C22orf23: variants seen among roughly 807,000 people sequenced by gnomAD.
The protein encoded by C22orf23 is UPF0193 protein EVG1.
A neutral mutation model predicts 29.7 loss-of-function variants in C22orf23; 30 were observed. The observed-to-expected ratio is 1.01, with a 90% confidence interval of 0.76 to 1.37. The LOEUF (loss-of-function observed/expected upper bound fraction) is 1.37, where lower values mean the gene tolerates loss of function less well. C22orf23 is among the 40% of genes most tolerant of loss of function. The probability of loss-of-function intolerance (pLI) is 0.00; values close to 1 mark genes in which losing one functional copy is unlikely to be tolerated. For missense variants in C22orf23, 237 were observed against 273.1 expected (o/e 0.87, Z 0.93); for synonymous variants, 90 against 96.1 (o/e 0.94, Z 0.37).
At position 37,952,990 on chromosome 22, in the gene C22orf23, C is replaced by T. The variant is rs1024015696; in HGVS notation, c.103+57G>A. ...CCTCCGTCAGTGGAAAAATTGTCTT[C>T]CACGAAACCGGTCCCTGGTGCCAAA... is the stretch of plus-strand genomic sequence containing the variant. On this transcript the variant is annotated intron_variant, in intron 2 of 6. Coordinates refer to ENST00000403305, the MANE Select transcript of C22orf23 (RefSeq NM_032561.5). The T allele has an allele frequency of 1.2e-5, 16 of 1,326,934 alleles. No individual in the cohort carries two copies. In the African/African-American group the frequency reaches 2.3e-4, roughly 19 times the overall value. 82.2% of individuals were successfully genotyped at this position (1,326,934 alleles called of 1,614,324 possible).
chr22:37,944,974 CA>C, intron 5 of C22orf23, 67 bp downstream of exon 5: 1 of 1,498,158 alleles, frequency 6.7e-7, no homozygotes, highest in South Asian at 1.3e-5. Context: ...CTGACTGCTC[CA>C]TCCAATTCTG....
rs568454107 is a variant in C22orf23 at position 37,947,349 on chromosome 22, A to C, written c.281T>G (p.Leu94Arg). 64 of 1,613,536 alleles carry C rather than the reference A, an allele frequency of 4.0e-5. 2 individuals are homozygous for C. The South Asian group carries it at 6.7e-4, about 17-fold the overall frequency. ...GGCTTGACACATGTTGGCAGGCCGG[A>C]GGTGGGGACGGGCTGCGAGGATGGG... ...LPPILAARPH[L>R]RPANMCQANG... The change falls in exon 4 of 7, where the codon CTC becomes CGC. Residue 94 changes from leucine (L) to arginine (R), a missense_variant. By Grantham distance (102) the Leu-to-Arg change is moderately radical. Coordinates refer to ENST00000403305, the MANE Select transcript of C22orf23 (RefSeq NM_032561.5).
intron 5 of C22orf23, 194 bp downstream of exon 5, chr22:37,944,848 C>T (rs534585370): frequency 4.7e-6 from 3 of 635,128 alleles, no homozygotes; most frequent in African/African-American, 3.7e-5. Flanking sequence ...TGCAGTGAGC[C>T]CAGATCACGC....
At chr22:37,953,246 A>C in intron 1 of C22orf23, 88 bp from the exon 2 acceptor site, 1 of 917,598 alleles carries the variant, frequency 1.1e-6, no homozygotes, top group Non-Finnish European at 1.7e-6. Flanking sequence ...GAAGTCTGGA[A>C]GCGGGGATCG....
chr22:37,947,513 T>C, intron 3 of C22orf23, 50 bp from the exon 4 acceptor site: 1 of 1,401,570 alleles, frequency 7.1e-7, no homozygotes, highest in East Asian at 2.5e-5. Flanking sequence ...TTTTTTTTTT[T>C]TTTTTTTTTT....
Position 37,944,469 on chromosome 22 carries a change from G to T in C22orf23, c.530C>A (p.Ala177Asp). The change falls in exon 6 of 7, where the codon GCC becomes GAC. Residue 177 changes from alanine (A) to aspartate (D), a missense_variant. Ala to Asp is a moderately radical substitution (Grantham distance 126). Coordinates refer to ENST00000403305, the MANE Select transcript of C22orf23 (RefSeq NM_032561.5). The stretch of plus-strand genomic sequence containing the variant: ...TCGGTACTGTTTGCCCTGTCCCAGG[G>T]CCTCCATGTCAGCCAGGAATTCTTT... ...ERKEFLADME[A>D]LGQGKQYRGI... 6.2e-7 allele frequency: 1 copy of T among 1,614,156 alleles called. No homozygotes were observed. The highest frequency in any genetic ancestry group is 1.1e-5 in the South Asian group (1 of 91,078).
At chr22:37,946,873 TAA>T (rs11361013) in intron 4 of C22orf23, among the ~76,000 whole-genome samples, 97 of 115,024 alleles carry the variant, frequency 8.4e-4, no homozygotes, top group Middle Eastern at 4.5e-3. Flanking sequence ...GCTCTGTCTT[TAA>T]AAAAAAAAAA....
intron 3 of C22orf23, 131 bp from the exon 4 acceptor site, chr22:37,947,594 T>C: frequency 1.4e-6 from 1 of 705,770 alleles, no homozygotes; most frequent in South Asian, 2.3e-5. Context: ...TACTGCAACC[T>C]CTGCCTCTTA....
chr22:37,949,386 C>T (rs957233815), intron 3 of C22orf23, among the ~76,000 whole-genome samples: 3 of 149,376 alleles, frequency 2.0e-5, no homozygotes, highest in South Asian at 2.1e-4. Context: ...TGGGTACAAG[C>T]GATTCTTGTG....
At chr22:37,948,640 A>C (rs1569156967) in intron 3 of C22orf23, among the ~76,000 whole-genome samples, 1 of 151,874 alleles carries the variant, frequency 6.6e-6, no homozygotes. Context: ...AACAAAATGA[A>C]ACAAAACAAA....
chr22:37,944,668 A>G (rs750897255), intron 5 of C22orf23, 151 bp from the exon 6 acceptor site: 97 of 644,616 alleles, frequency 1.5e-4, no homozygotes, highest in Non-Finnish European at 1.7e-4. Flanking sequence ...TGGGAGGCCA[A>G]GGCAGGTGGA....
rs111777918 is a variant in C22orf23, at chr22:37,953,385, G to A, written c.-10+63C>T. On this transcript the variant is annotated intron_variant, in intron 1 of 6. Transcript: ENST00000403305. Reference sequence around the variant, plus strand: ...GGCAGGGAAGTCTCCTCGGGAGGGAGTGTTAACACAGCCATGGTCACAACA... The same window carrying A: ...GGCAGGGAAGTCTCCTCGGGAGGGAATGTTAACACAGCCATGGTCACAACA... The A allele has an allele frequency of 5.3e-3, 3,058 of 575,574 alleles. 71 individuals are homozygous for A. The highest frequency in any genetic ancestry group is 0.05 in the African/African-American group (2,677 of 53,158). The allele number at this position is 575,574 out of a possible 1,614,324, so 35.7% of individuals were successfully genotyped here. A position where few individuals can be genotyped will look rare whatever the true frequency, so the allele number is the denominator to read the frequency against.
chr22:37,948,202 C>T (rs1219104836), intron 3 of C22orf23, among the ~76,000 whole-genome samples: 1 of 152,148 alleles, frequency 6.6e-6, no homozygotes, highest in African/African-American at 2.4e-5. Flanking sequence ...AATCCCAACA[C>T]TTTGGGAGGC....
chr22:37,949,309 A>T (rs1601851321), intron 3 of C22orf23, among the ~76,000 whole-genome samples: 1 of 146,422 alleles, frequency 6.8e-6, no homozygotes, highest in Non-Finnish European at 1.5e-5. Context: ...TTTGAGACAG[A>T]GTCTCCCTCT....
At position 37,944,222 on chromosome 22, in the gene C22orf23, C is replaced by A; in HGVS notation, c.607G>T (p.Asp203Tyr). 6.2e-7 allele frequency: 1 copy of A among 1,614,236 alleles called. No individual in the cohort carries two copies. Among genetic ancestry groups the A allele is most frequent in the Non-Finnish European group, 8.5e-7 (1 of 1,180,052 alleles). Residue 203 changes from aspartate to tyrosine, a missense_variant, in exon 7 of 7, where the codon GAC (aspartate) becomes TAC (tyrosine). By Grantham distance (160) the Asp-to-Tyr change is radical. Transcript: ENST00000403305. The part of the protein sequence containing the change: ...SQKLREMEDI[D>Y]HRRSEELRKG... Reference sequence around the variant, plus strand: ...CTAAGTTCCTCACTCCTTCTGTGGTCAATGTCTTCCATTTCCCGGAGTTTC... The same window carrying A: ...CTAAGTTCCTCACTCCTTCTGTGGTAAATGTCTTCCATTTCCCGGAGTTTC...
At chr22:37,951,703 T>A (rs1004416643) in intron 2 of C22orf23, 181 bp from the exon 3 acceptor site, 4 of 405,340 alleles carry the variant, frequency 9.9e-6, no homozygotes, top group African/African-American at 2.0e-5. Context: ...ATATATTTTA[T>A]TTTATTGTTA....
At chr22:37,947,931 C>T (rs148686951) in intron 3 of C22orf23, among the ~76,000 whole-genome samples, 2,966 of 151,384 alleles carry the variant, frequency 0.02, 41 homozygotes, top group Non-Finnish European at 0.027. Flanking sequence ...CACGGTGTAA[C>T]CCTGTCTGTA....
At chr22:37,951,257 C>T (rs73415810) in intron 3 of C22orf23, 6,922 of 508,776 alleles carry the variant, frequency 0.014, 376 homozygotes, top group African/African-American at 0.12. Context: ...TGGCTTGTGG[C>T]GTTGCCCGGG....
chr22:37,944,326 C>A (rs1232720714), intron 6 of C22orf23, 80 bp from the exon 7 acceptor site: 1 of 1,613,338 alleles, frequency 6.2e-7, no homozygotes, highest in Non-Finnish European at 8.5e-7. Flanking sequence ...TAGAGCCTGA[C>A]CCCTGAACCC....
Sources: gnomAD v4.1 joint callset for allele counts (sites outside exome capture counted in the v4.1 genomes callset) on GRCh38, gnomAD v4.1.1 for gene constraint, MANE v1.5 for transcripts, NCBI Gene and HGNC (gene_info 2026-07-23, HGNC 2026-07-21) for gene names.